WDR12: variants seen among roughly 807,000 people sequenced by gnomAD.
WDR12 encodes WD repeat domain 12.
WDR12 carries 42 observed loss-of-function variants against 64.3 expected under a neutral mutation model. The observed-to-expected ratio is 0.65, with a 90% CI of 0.51 to 0.84. WDR12 has a LOEUF of 0.84. Ranked by LOEUF, WDR12 falls within the 40% of genes least tolerant of loss-of-function variation. The pLI is 0.00. For missense variants in WDR12, 469 were observed against 494.6 expected, an observed-to-expected ratio of 0.95 and a Z score of 0.49; for synonymous variants, 158 against 173.3, an observed-to-expected ratio of 0.91 and a Z score of 0.70.
chr2:202,886,572 A>G (rs1338492469), intron 8 of WDR12, among the ~76,000 whole-genome samples: 1 of 152,166 alleles, frequency 6.6e-6, no homozygotes, highest in African/African-American at 2.4e-5. Context: ...GTTCAAGACC[A>G]GCCTGACCAA....
rs1259192421 is a variant in WDR12, at chr2:202,911,561, A to G, written c.-85T>C. 2 of 1,306,460 alleles carry G rather than the reference A, an allele frequency of 1.5e-6. No homozygotes were observed. The highest frequency in any genetic ancestry group is 2.2e-6 in the Non-Finnish European group (2 of 900,874). The allele number at this position is 1,306,460 out of a possible 1,614,324, so 80.9% of individuals were successfully genotyped here. A position where few individuals can be genotyped will look rare whatever the true frequency, so the allele number is the denominator to read the frequency against. On this transcript the variant is annotated 5_prime_UTR_variant, in exon 1 of 13. Coordinates refer to ENST00000261015, the MANE Select transcript of WDR12 (RefSeq NM_018256.4). ...AAGCTCCTGCCTTTTAAGACTACAAAGAGGCAGCTCAAAATTAGACTGCAC... is the reference window on the plus strand; with the variant it reads ...AAGCTCCTGCCTTTTAAGACTACAAGGAGGCAGCTCAAAATTAGACTGCAC...
intron 8 of WDR12, among the ~76,000 whole-genome samples, chr2:202,887,214 G>A (rs535590387): frequency 7.2e-5 from 11 of 152,030 alleles, no homozygotes; most frequent in Non-Finnish European, 1.3e-4. Context: ...TAGTACAGAC[G>A]GGGTTTCACC....
chr2:202,880,978 A>T, intron 12 of WDR12, 41 bp from the exon 13 acceptor site: 2 of 1,480,536 alleles, frequency 1.4e-6, no homozygotes, highest in Non-Finnish European at 1.8e-6. Flanking sequence ...ACATAAATAA[A>T]TATAATTATT....
At chr2:202,896,761 G>C (rs987807381) in intron 5 of WDR12, among the ~76,000 whole-genome samples, 2 of 152,026 alleles carry the variant, frequency 1.3e-5, no homozygotes, top group Admixed American at 1.3e-4. Context: ...GGCCAAGGCG[G>C]GTGGATCATG....
intron 8 of WDR12, among the ~76,000 whole-genome samples, chr2:202,887,168 C>T (rs1439760093): frequency 1.3e-5 from 2 of 152,128 alleles, no homozygotes; most frequent in Non-Finnish European, 2.9e-5. Flanking sequence ...GGATTACAGG[C>T]ACGTGCCACC....
At chr2:202,903,388 C>G (rs960272871) in intron 2 of WDR12, among the ~76,000 whole-genome samples, 1 of 151,400 alleles carries the variant, frequency 6.6e-6, no homozygotes, top group East Asian at 1.9e-4. Context: ...GATAAGGATG[C>G]CCACTTTTAC....
chr2:202,905,288 G>T (rs1350966080), intron 2 of WDR12, among the ~76,000 whole-genome samples: 2 of 152,196 alleles, frequency 1.3e-5, no homozygotes, highest in Non-Finnish European at 2.9e-5. Flanking sequence ...TGGGTTTACA[G>T]GCACCTGCCA....
intron 6 of WDR12, among the ~76,000 whole-genome samples, chr2:202,895,151 C>T (rs952220065): frequency 6.6e-6 from 1 of 152,188 alleles, no homozygotes; most frequent in African/African-American, 2.4e-5. Flanking sequence ...CCTTTGAATA[C>T]AAGCATCCTG....
At position 202,879,722 on chromosome 2, in the gene WDR12, G is replaced by A. The variant is rs115953525; in HGVS notation, c.*1138C>T. On this transcript the variant is annotated 3_prime_UTR_variant, in exon 13 of 13. Transcript: ENST00000261015. ...GCTGGGATTACAAGCATGAGCCACCGTGCCCTGCCGAATCAATATTTTGTT... is the reference window on the plus strand; with the variant it reads ...GCTGGGATTACAAGCATGAGCCACCATGCCCTGCCGAATCAATATTTTGTT... The A allele has an allele frequency of 0.091, 13,476 of 148,110 alleles. 724 individuals are homozygous for A. Among genetic ancestry groups the A allele is most frequent in the Non-Finnish European group, 0.13 (8,460 of 67,128 alleles). 9.2% of individuals were successfully genotyped at this position (148,110 alleles called of 1,614,324 possible).
chr2:202,889,088 T>C (rs148546319), intron 8 of WDR12, among the ~76,000 whole-genome samples: 65 of 152,306 alleles, frequency 4.3e-4, no homozygotes, highest in African/African-American at 1.5e-3. Flanking sequence ...TAATAATTTA[T>C]GCATGTATAA....
At position 202,907,577 on chromosome 2, in the gene WDR12, GATTACCTCTAT is replaced by G. The variant is rs200589335; in HGVS notation, c.136+277_136+287del. 9.9e-5 allele frequency among the ~76,000 whole-genome samples: 15 copies of G among 152,170 alleles called. 1 individual carries two copies. In the East Asian group the frequency reaches 2.9e-3, roughly 29 times the overall value. Reference sequence around the variant, plus strand: ...CCCTCTGTAGAACAATCAATGTCTTGATTACCTCTATATTACAACTTTATACCAAAATCTTT... The same window carrying G: ...CCCTCTGTAGAACAATCAATGTCTTGATTACAACTTTATACCAAAATCTTT... On this transcript the variant is annotated intron_variant, in intron 2 of 12. Transcript: ENST00000261015.
chr2:202,905,140 A>G (rs575221236), intron 2 of WDR12, among the ~76,000 whole-genome samples: 32 of 152,308 alleles, frequency 2.1e-4, no homozygotes, highest in African/African-American at 7.5e-4. Context: ...CCCAGATAAA[A>G]TGGCGTTTTT....
chr2:202,899,395 G>T, intron 4 of WDR12, 136 bp downstream of exon 4: 1 of 713,106 alleles, frequency 1.4e-6, no homozygotes. Flanking sequence ...GTTTGCCATG[G>T]CCACTGATAC....
At chr2:202,890,997 A>T (rs1688146933) in intron 8 of WDR12, among the ~76,000 whole-genome samples, 1 of 11,872 alleles carries the variant, frequency 8.4e-5, no homozygotes, top group Non-Finnish European at 3.5e-3. Context: ...TTGTCTCTTT[A>T]AAAAAAAAAA....
At position 202,878,392 on chromosome 2, in the gene WDR12, C is replaced by T. The variant is rs1687897931; in HGVS notation, c.*2468G>A. ...TTGTCCTCTCAAAGTTAGAAGATTT[C>T]CAGAGACTACAAATACAATAAAATT... is the stretch of plus-strand genomic sequence containing the variant. On this transcript the variant is annotated 3_prime_UTR_variant, in exon 13 of 13. Transcript: ENST00000261015. The T allele has an allele frequency of 6.6e-6, 1 of 152,092 alleles. No individual in the cohort carries two copies. Among genetic ancestry groups the T allele is most frequent in the Admixed American group, 6.6e-5 (1 of 15,260 alleles). 9.4% of individuals were successfully genotyped at this position (152,092 alleles called of 1,614,324 possible).
chr2:202,894,731 T>A, intron 6 of WDR12, 105 bp from the exon 7 acceptor site: 2 of 921,846 alleles, frequency 2.2e-6, no homozygotes, highest in East Asian at 3.0e-5. Flanking sequence ...AAAGAACTTG[T>A]GTTCCACAGA....
intron 12 of WDR12, among the ~76,000 whole-genome samples, chr2:202,882,410 G>A (rs1687970665): frequency 6.6e-6 from 1 of 151,832 alleles, no homozygotes; most frequent in East Asian, 1.9e-4. Flanking sequence ...CTCACTGCAA[G>A]CTCCGCCTCC....
At chr2:202,897,904 A>ATAT (rs1488448623) in intron 4 of WDR12, among the ~76,000 whole-genome samples, 175 of 45,170 alleles carry the variant, frequency 3.9e-3, no homozygotes, top group South Asian at 0.022. Context: ...AAAAAAAAAA[A>ATAT]AAAAATATAT....
intron 5 of WDR12, 36 bp from the exon 6 acceptor site, chr2:202,896,255 C>A: frequency 6.3e-7 from 1 of 1,599,224 alleles, no homozygotes; most frequent in South Asian, 1.1e-5. Context: ...AGAAACAAAT[C>A]AGTATACCAT....
Sources: gnomAD v4.1 joint callset for allele counts (sites outside exome capture counted in the v4.1 genomes callset) on GRCh38, gnomAD v4.1.1 for gene constraint, MANE v1.5 for transcripts, NCBI Gene and HGNC (gene_info 2026-07-23, HGNC 2026-07-21) for gene names.